The following SEC24C variants were observed in gnomAD, a reference collection of about 807,000 sequenced individuals.
The protein encoded by SEC24C is SEC24 homolog C, COPII component, also known as protein transport protein Sec24C.
In SEC24C, 22 loss-of-function variants were observed where a neutral mutation model predicts 117.0. The observed-to-expected ratio is 0.19, with a 90% CI of 0.13 to 0.27. The LOEUF is 0.27. SEC24C is among the 10% of genes least tolerant of loss of function. The probability of loss-of-function intolerance (pLI) is 1.00; values close to 1 mark genes in which losing one functional copy is unlikely to be tolerated. For missense variants in SEC24C, 1,155 were observed against 1,375.1 expected (o/e 0.84, Z 2.53); for synonymous variants, 506 against 529.4 (o/e 0.96, Z 0.61).
At chr10:73,759,563 G>T (rs950548688) in intron 3 of SEC24C, 59 bp from the exon 4 acceptor site, 4 of 1,344,734 alleles carry the variant, frequency 3.0e-6, no homozygotes, top group African/African-American at 3.0e-5. Context: ...TGACACTTCT[G>T]TAGACTTCAA....
At position 73,768,793 on chromosome 10, in the gene SEC24C, G is replaced by T; in HGVS notation, c.2182-17G>T. 6.2e-7 allele frequency: 1 copy of T among 1,612,190 alleles called. No homozygotes were observed. The highest frequency in any genetic ancestry group is 1.1e-5 in the South Asian group (1 of 90,950). On this transcript the variant is annotated splice_polypyrimidine_tract_variant and intron_variant, in intron 15 of 22. Coordinates refer to ENST00000345254, the MANE Select transcript of SEC24C (RefSeq NM_198597.3). ...ATGTCTAGTCAGTGACATGACTCTG[G>T]ACCTGGGGGCCTGCAGGTGGAGAAC...
intron 13 of SEC24C, 75 bp from the exon 14 acceptor site, chr10:73,766,979 G>T: frequency 7.1e-7 from 1 of 1,398,796 alleles, no homozygotes; most frequent in South Asian, 1.2e-5. Flanking sequence ...GTCTGACATA[G>T]CTGGTGCTTA....
At chr10:73,748,583 G>GCC in intron 2 of SEC24C, among the ~76,000 whole-genome samples, 1 of 145,340 alleles carries the variant, frequency 6.9e-6, no homozygotes, top group Non-Finnish European at 1.5e-5. Context: ...TTACAGGCAT[G>GCC]TGCCACCACA....
rs769255155 is a variant in SEC24C, at chr10:73,760,401, A to G, written c.850+15A>G. 2 of 1,571,856 alleles carry G rather than the reference A, an allele frequency of 1.3e-6. No individual in the cohort carries two copies. Among genetic ancestry groups the G allele is most frequent in the South Asian group, 2.3e-5 (2 of 87,970 alleles). The stretch of plus-strand genomic sequence containing the variant: ...CCAACAAAATGGTGAGTCTTTCCCA[A>G]GGTCTGTCTTAGAAGCTAGAGGCTT... On this transcript the variant is annotated intron_variant, in intron 5 of 22. Transcript: ENST00000345254.
At chr10:73,757,587 A>G (rs2082729346) in intron 3 of SEC24C, among the ~76,000 whole-genome samples, 1 of 151,542 alleles carries the variant, frequency 6.6e-6, no homozygotes, top group African/African-American at 2.4e-5. Flanking sequence ...CAAATGTAGA[A>G]CAACCACACC....
rs191245543 is a variant in SEC24C, at chr10:73,757,964, G to A, written c.309-1658G>A. Among the ~76,000 whole-genome samples the A allele has an allele frequency of 5.5e-4, 81 of 147,756 alleles. No individual in the cohort carries two copies. In the East Asian group the frequency reaches 0.013, roughly 23 times the overall value. On this transcript the variant is annotated intron_variant, in intron 3 of 22. Coordinates refer to ENST00000345254, the MANE Select transcript of SEC24C (RefSeq NM_198597.3). Reference sequence around the variant, plus strand: ...AAAAAAAAAACGTAAGGCTGGGCACGGTGGCTCACGCCTGTAATCCCAGCA... The same window carrying A: ...AAAAAAAAAACGTAAGGCTGGGCACAGTGGCTCACGCCTGTAATCCCAGCA...
At chr10:73,757,814 G>A (rs563559288) in intron 3 of SEC24C, among the ~76,000 whole-genome samples, 7 of 150,778 alleles carry the variant, frequency 4.6e-5, no homozygotes, top group Non-Finnish European at 1.0e-4. Flanking sequence ...TGGGAGGGGA[G>A]GCTTAGGGGG....
At position 73,759,751 on chromosome 10, in the gene SEC24C, C is replaced by A; in HGVS notation, c.438C>A (p.Ser146Arg). The A allele has an allele frequency of 6.2e-7, 1 of 1,606,806 alleles. No homozygotes were observed. Among genetic ancestry groups the A allele is most frequent in the Non-Finnish European group, 8.5e-7 (1 of 1,177,950 alleles). Residue 146 changes from serine to arginine, a missense_variant, in exon 4 of 23, where the codon AGC becomes AGA. Around this residue, in one of 2 missense-constraint regions of SEC24C, gnomAD observed 396 missense variants for 382.8 expected, o/e 1.03. Transcript: ENST00000345254. ...CGCAGCTGTCTGGAATGCAGATCAG[C>A]GGTGCTGTGGCCCCAGCCCCTCCTT... The part of the protein sequence containing the change: ...VATQLSGMQI[S>R]GAVAPAPPSS...
Position 73,769,892 on chromosome 10 carries a change from G to C in SEC24C, c.2739G>C (p.Lys913Asn), listed in dbSNP as rs2082946580. Residue 913 changes from lysine to asparagine, a missense_variant, in exon 20 of 23, where the codon AAG (lysine) becomes AAC (asparagine). Transcript: ENST00000345254. This position sits in a 1 kb window ranked among gnomAD's most constrained non-coding sequence, Gnocchi z 4.5. Reference protein sequence around the residue: ...LLPVYLNCVLKSDVLQPGAEV... With the variant: ...LLPVYLNCVLNSDVLQPGAEV... Reference sequence around the variant, plus strand: ...CAGTTTACCTGAACTGTGTGTTGAAGAGTGATGTCCTGCAGCCTGGAGCTG... The same window carrying C: ...CAGTTTACCTGAACTGTGTGTTGAACAGTGATGTCCTGCAGCCTGGAGCTG... 8.1e-6 allele frequency: 13 copies of C among 1,614,092 alleles called. No homozygotes were observed. The highest frequency in any genetic ancestry group is 1.0e-5 in the Non-Finnish European group (12 of 1,180,052).
intron 2 of SEC24C, among the ~76,000 whole-genome samples, 165 bp downstream of exon 2, chr10:73,747,169 T>C (rs925808159): frequency 1.3e-5 from 2 of 152,126 alleles, no homozygotes; most frequent in African/African-American, 4.8e-5. Context: ...CGCCCTTCCC[T>C]TCCCTTTTTT....
intron 3 of SEC24C, among the ~76,000 whole-genome samples, chr10:73,757,571 T>C (rs1468512980): frequency 6.7e-6 from 1 of 149,922 alleles, no homozygotes; most frequent in Non-Finnish European, 1.5e-5. Flanking sequence ...GAGTACCTTC[T>C]GGAAACAAAT....
chr10:73,770,109 G>A (rs561054880), intron 20 of SEC24C, 94 bp downstream of exon 20: 63 of 1,322,752 alleles, frequency 4.8e-5, no homozygotes, highest in Admixed American at 4.7e-4. Flanking sequence ...GACACTAGTG[G>A]AATTTGTTTT....
intron 3 of SEC24C, among the ~76,000 whole-genome samples, chr10:73,755,350 T>C (rs2082694678): frequency 6.6e-6 from 1 of 152,080 alleles, no homozygotes; most frequent in South Asian, 2.1e-4. Flanking sequence ...GCAGTTTCAG[T>C]GTAGAGATAA....
At chr10:73,746,743 T>G in intron 1 of SEC24C, 62 bp from the exon 2 acceptor site, 1 of 1,147,826 alleles carries the variant, frequency 8.7e-7, no homozygotes, top group African/African-American at 1.5e-5. Context: ...CTCTACTTCC[T>G]GCCCTGAATA....
At position 73,770,454 on chromosome 10, in the gene SEC24C, C is replaced by G; in HGVS notation, c.3037C>G (p.Gln1013Glu). The G allele has an allele frequency of 1.2e-6, 2 of 1,614,008 alleles. No individual in the cohort carries two copies. Among genetic ancestry groups the G allele is most frequent in the Non-Finnish European group, 1.7e-6 (2 of 1,180,024 alleles). The stretch of plus-strand genomic sequence containing the variant: ...CCTTTTCAGCGTCTCCTCCTTCAGT[C>G]AGATCACCAGTGGTTTGGTGAGGGC... Reference protein sequence around the residue: ...QSLFSVSSFSQITSGLSVLPV... With the variant: ...QSLFSVSSFSEITSGLSVLPV... The change falls in exon 21 of 23, where the codon CAG (glutamine) becomes GAG (glutamate). Residue 1013 changes from glutamine to glutamate, a missense_variant. Around this residue, in one of 2 missense-constraint regions of SEC24C, gnomAD observed 759 missense variants for 992.3 expected, o/e 0.76. Transcript: ENST00000345254.
At chr10:73,753,906 G>T (rs193071430) in intron 3 of SEC24C, among the ~76,000 whole-genome samples, 1 of 151,960 alleles carries the variant, frequency 6.6e-6, no homozygotes, top group Admixed American at 6.6e-5. Context: ...GCCCCAGGAC[G>T]GCTTTGAATG....
intron 1 of SEC24C, 83 bp from the exon 2 acceptor site, chr10:73,746,722 T>G: frequency 1.1e-6 from 1 of 905,280 alleles, no homozygotes; most frequent in Non-Finnish European, 1.6e-6. Flanking sequence ...ATAAGGTCAA[T>G]TTCTTTTTAT....
At position 73,765,494 on chromosome 10, in the gene SEC24C, G is replaced by A; in HGVS notation, c.1271G>A (p.Arg424His). Residue 424 changes from arginine to histidine, a missense_variant, in exon 9 of 23, where the codon CGC (arginine) becomes CAC (histidine). Arg to His is a conservative substitution (Grantham distance 29). Transcript: ENST00000345254. ...GACCATGGGGAATCTGGCCCTTTGCGCTGCAACCGCTGCAAAGCATACATG... is the reference window on the plus strand; with the variant it reads ...GACCATGGGGAATCTGGCCCTTTGCACTGCAACCGCTGCAAAGCATACATG... Reference protein sequence around the residue: ...VVDHGESGPLRCNRCKAYMCP... With the variant: ...VVDHGESGPLHCNRCKAYMCP... 6.2e-7 allele frequency: 1 copy of A among 1,613,964 alleles called. No individual in the cohort carries two copies. Among genetic ancestry groups the A allele is most frequent in the Non-Finnish European group, 8.5e-7 (1 of 1,179,852 alleles).
At chr10:73,746,721 AT>A in intron 1 of SEC24C, 83 bp from the exon 2 acceptor site, 2 of 894,110 alleles carry the variant, frequency 2.2e-6, no homozygotes, top group South Asian at 4.2e-5. Flanking sequence ...GATAAGGTCA[AT>A]TTCTTTTTAT....
Sources: gnomAD v4.1 joint callset for allele counts (sites outside exome capture counted in the v4.1 genomes callset) on GRCh38, gnomAD v4.1.1 for gene constraint, gnomAD v4.1.1 regional missense constraint, Gnocchi (gnomAD v3.1) non-coding constraint, MANE v1.5 for transcripts, NCBI Gene and HGNC (gene_info 2026-07-23, HGNC 2026-07-21) for gene names.